The following FBXW4 variants were observed in gnomAD, a reference collection of about 807,000 sequenced individuals.
FBXW4 encodes the protein F-box and WD repeat domain containing 4.
In FBXW4, 40 loss-of-function variants were observed where a neutral mutation model predicts 61.8. The observed-to-expected ratio is 0.65, with a 90% CI of 0.50 to 0.84. FBXW4 has a LOEUF of 0.84. Ranked by LOEUF, FBXW4 falls within the 40% of genes least tolerant of loss-of-function variation. The pLI, the probability that FBXW4 is intolerant of heterozygous loss-of-function variation, is 0.00. For missense variants in FBXW4, 672 were observed against 753.8 expected (o/e 0.89, Z 1.27); for synonymous variants, 311 against 313.8 (o/e 0.99, Z 0.10).
In FBXW4 at chr10:101,673,645, C is replaced by A; in HGVS notation, c.850G>T (p.Asp284Tyr). 7 of 1,614,072 alleles carry A rather than the reference C, an allele frequency of 4.3e-6. No homozygotes were observed. The highest frequency in any genetic ancestry group is 5.9e-6 in the Non-Finnish European group (7 of 1,179,920). Residue 284 changes from aspartate (D) to tyrosine (Y), a missense_variant, in exon 3 of 9, where the codon GAT becomes TAT. By Grantham distance (160) the Asp-to-Tyr change is radical. Transcript: ENST00000331272. ...TTAGCCTGGGATATGTACAGAGAAT[C>A]ATCCTCTAGCTGCATCCAGGGCATC... Reference protein sequence around the residue: ...SQMPWMQLEDDSLYISQANFI... With the variant: ...SQMPWMQLEDYSLYISQANFI...
At chr10:101,660,186 G>A (rs568913031) in intron 5 of FBXW4, 579 of 985,416 alleles carry the variant, frequency 5.9e-4, no homozygotes, top group Non-Finnish European at 6.3e-4. Context: ...ACCTTCATTT[G>A]AGGAGTAACA....
intron 5 of FBXW4, among the ~76,000 whole-genome samples, chr10:101,640,948 A>G (rs554759169): frequency 6.6e-6 from 1 of 151,630 alleles, no homozygotes; most frequent in African/African-American, 2.4e-5. Flanking sequence ...CTTCTGCCTC[A>G]GCCTCCCGAG....
chr10:101,611,186 G>A lies in FBXW4; in HGVS notation c.*105C>T. 6.9e-7 allele frequency: 1 copy of A among 1,452,836 alleles called. No individual in the cohort carries two copies. The highest frequency in any genetic ancestry group is 9.3e-7 in the Non-Finnish European group (1 of 1,072,334). The allele number at this position is 1,452,836 out of a possible 1,614,324, so 90.0% of individuals were successfully genotyped here. A position where few individuals can be genotyped will look rare whatever the true frequency, so the allele number is the denominator to read the frequency against. ...CTGAGCACTGGGGTCACAGGCCCAG[G>A]AGCACAGTGGGGCAGTGAGGAGGAG... On this transcript the variant is annotated 3_prime_UTR_variant, in exon 9 of 9. Coordinates refer to ENST00000331272, the MANE Select transcript of FBXW4 (RefSeq NM_022039.4). The surrounding 1 kb of genome is among the most constrained non-coding windows in gnomAD (Gnocchi z 4.9).
At chr10:101,661,954 T>C (rs558008189) in intron 5 of FBXW4, among the ~76,000 whole-genome samples, 2 of 152,222 alleles carry the variant, frequency 1.3e-5, no homozygotes, top group African/African-American at 4.8e-5. Flanking sequence ...CACCCAGCTG[T>C]CCACAGCCAG....
intron 5 of FBXW4, chr10:101,659,962 A>T (rs955874148): frequency 2.9e-5 from 11 of 381,062 alleles, no homozygotes; most frequent in Admixed American, 1.3e-4. Context: ...AAGGAGGAAG[A>T]TAAGCATGGA....
At chr10:101,618,187 T>C (rs553356860) in intron 6 of FBXW4, among the ~76,000 whole-genome samples, 1 of 152,246 alleles carries the variant, frequency 6.6e-6, no homozygotes, top group Non-Finnish European at 1.5e-5. Flanking sequence ...CTCACTCATA[T>C]CCTGTGCTCA....
intron 5 of FBXW4, among the ~76,000 whole-genome samples, chr10:101,636,825 G>C (rs1229035478): frequency 6.6e-6 from 1 of 151,980 alleles, no homozygotes; most frequent in African/African-American, 2.4e-5. Context: ...CTGACCTCAG[G>C]TGATCCACCT....
At chr10:101,648,008 T>C (rs972753130) in intron 5 of FBXW4, among the ~76,000 whole-genome samples, 1 of 152,192 alleles carries the variant, frequency 6.6e-6, no homozygotes, top group Non-Finnish European at 1.5e-5. Flanking sequence ...CTGCCTCCTA[T>C]AGGTGCTCAG....
chr10:101,694,807 T>C lies in FBXW4; in HGVS notation c.299A>G (p.Lys100Arg), dbSNP rs2134933273. ...GGCCCCTGCGCTCCCCTCGACTCCC[T>C]TGACGATGCCTCTCGCCCCTTCCTC... Reference protein sequence around the residue: ...SVEEGARGIVKGVEGSAGAGK... With the variant: ...SVEEGARGIVRGVEGSAGAGK... Residue 100 changes from lysine (K) to arginine (R), a missense_variant, in exon 1 of 9, where the codon AAG (lysine) becomes AGG (arginine). This residue lies in a region of FBXW4 where 311 missense variants were observed against 301.1 expected (regional missense o/e 1.03). Transcript: ENST00000331272. This position sits in a 1 kb window ranked among gnomAD's most constrained non-coding sequence, Gnocchi z 6.0. 1 of 1,328,934 alleles carries C rather than the reference T, an allele frequency of 7.5e-7. No homozygotes were observed. Among genetic ancestry groups the C allele is most frequent in the Admixed American group, 4.1e-5 (1 of 24,246 alleles). 82.3% of individuals were successfully genotyped at this position (1,328,934 alleles called of 1,614,324 possible).
At chr10:101,628,388 T>C (rs1391350715) in intron 5 of FBXW4, among the ~76,000 whole-genome samples, 3 of 152,186 alleles carry the variant, frequency 2.0e-5, no homozygotes, top group Admixed American at 1.3e-4. Flanking sequence ...TCCATACTCA[T>C]GGGACAAATG....
chr10:101,624,974 T>C (rs1052705057), intron 5 of FBXW4, 164 bp from the exon 6 acceptor site: 43 of 743,870 alleles, frequency 5.8e-5, no homozygotes, highest in African/African-American at 1.0e-4. Flanking sequence ...GGAAGACATC[T>C]TGGAGCACTG....
chr10:101,688,789 G>C (rs1182478809), intron 1 of FBXW4, among the ~76,000 whole-genome samples: 1 of 152,026 alleles, frequency 6.6e-6, no homozygotes, highest in Non-Finnish European at 1.5e-5. Context: ...ATCAAAGAAG[G>C]GAGTCTGCCA....
intron 5 of FBXW4, among the ~76,000 whole-genome samples, chr10:101,657,331 C>A (rs139768216): frequency 3.1e-4 from 47 of 152,242 alleles, no homozygotes; most frequent in African/African-American, 1.1e-3. Flanking sequence ...AAAACGCCTA[C>A]TTCCAAAAGC....
intron 6 of FBXW4, among the ~76,000 whole-genome samples, chr10:101,613,543 T>C (rs1397763581): frequency 2.0e-5 from 3 of 152,214 alleles, no homozygotes; most frequent in Non-Finnish European, 2.9e-5. Flanking sequence ...GGGGACTTCA[T>C]GGCTCACCAG....
intron 6 of FBXW4, among the ~76,000 whole-genome samples, chr10:101,612,733 C>T (rs959683136): frequency 1.3e-5 from 2 of 151,580 alleles, no homozygotes; most frequent in African/African-American, 2.4e-5. Context: ...ACCTGCGTGC[C>T]GGCTGCCACC....
intron 6 of FBXW4, among the ~76,000 whole-genome samples, chr10:101,620,906 C>T (rs1278970833): frequency 6.6e-6 from 1 of 152,144 alleles, no homozygotes; most frequent in African/African-American, 2.4e-5. Flanking sequence ...CTTAGAACTC[C>T]ATCCTGACCA....
chr10:101,689,778 T>G (rs2064573323), intron 1 of FBXW4, among the ~76,000 whole-genome samples: 1 of 152,212 alleles, frequency 6.6e-6, no homozygotes. Context: ...AAACACACTC[T>G]GCTTATCTGT....
At chr10:101,655,512 C>T (rs1431559235) in intron 5 of FBXW4, among the ~76,000 whole-genome samples, 1 of 152,178 alleles carries the variant, frequency 6.6e-6, no homozygotes, top group East Asian at 1.9e-4. Context: ...GTGTCTTCCT[C>T]TTTGCCAAAT....
chr10:101,673,182 G>C, intron 3 of FBXW4, 135 bp from the exon 4 acceptor site: 1 of 1,116,052 alleles, frequency 9.0e-7, no homozygotes, highest in South Asian at 1.6e-5. Context: ...GCCCAGTAAG[G>C]TGCTGACTTT....
Sources: allele counts gnomAD v4.1 joint callset (sites outside exome capture counted in the v4.1 genomes callset), GRCh38; gene constraint gnomAD v4.1.1; regional missense constraint gnomAD v4.1.1; non-coding constraint Gnocchi (gnomAD v3.1); transcripts MANE v1.5; gene names NCBI Gene and HGNC (gene_info 2026-07-23, HGNC 2026-07-21).